Variants in C4orf51 observed in about 807,000 individuals in gnomAD.
C4orf51 encodes uncharacterized protein C4orf51.
C4orf51 carries 25 observed loss-of-function variants against 25.2 expected under a neutral mutation model. The ratio of observed to expected loss-of-function variants is 0.99; its 90% CI spans 0.72 to 1.39. C4orf51 has a LOEUF of 1.39. C4orf51 is among the 40% of genes most tolerant of loss of function. C4orf51 has a pLI of 0.00. For synonymous variants in C4orf51, 100 were observed against 84.5 expected, an observed-to-expected ratio of 1.18 and a Z score of -1.01; for missense variants, 252 against 239.6, an observed-to-expected ratio of 1.05 and a Z score of -0.34.
chr4:145,739,429 G>A (rs998399428), intron 1 of C4orf51, among the ~76,000 whole-genome samples: 16 of 152,206 alleles, frequency 1.1e-4, no homozygotes. Flanking sequence ...GTGGCACAGA[G>A]CGTCAAGATT....
intron 2 of C4orf51, among the ~76,000 whole-genome samples, chr4:145,721,323 C>T (rs1413258247): frequency 4.3e-5 from 6 of 140,788 alleles, no homozygotes; most frequent in African/African-American, 5.5e-5. Context: ...CCAGCCTGGG[C>T]GACAGAGTGA....
chr4:145,789,249 G>T, the C4orf51 span, among the ~76,000 whole-genome samples: 1 of 152,032 alleles, frequency 6.6e-6, no homozygotes, highest in Non-Finnish European at 1.5e-5. Context: ...TATTATGGGG[G>T]AAAAACAGAT....
chr4:145,765,852 G>A lies in C4orf51; in HGVS notation n.167-5136G>A, dbSNP rs1735206722. ...ATGCATCATCATTCTGGGGGCACAG[G>A]CTCATGTCCCCAGCTCCCCCACTGC... On this transcript the variant is annotated intron_variant and non_coding_transcript_variant, in intron 1 of 1. Coordinates refer to the C4orf51 transcript ENST00000510096. The surrounding 1 kb of genome is among the most constrained non-coding windows in gnomAD (Gnocchi z 4.7). 1.8e-6 allele frequency: 2 copies of A among 1,083,314 alleles called. No individual in the cohort carries two copies. Among genetic ancestry groups the A allele is most frequent in the Non-Finnish European group, 2.6e-6 (2 of 770,254 alleles). 67.1% of individuals were successfully genotyped at this position (1,083,314 alleles called of 1,614,324 possible). A position where few individuals can be genotyped will look rare whatever the true frequency, so the allele number is the denominator to read the frequency against.
intron 2 of C4orf51, among the ~76,000 whole-genome samples, chr4:145,703,129 G>A (rs1730566966): frequency 6.6e-6 from 1 of 151,736 alleles, no homozygotes; most frequent in Non-Finnish European, 1.5e-5. Context: ...ATGGCCTGAA[G>A]TAACTGAAGA....
intron 1 of C4orf51, among the ~76,000 whole-genome samples, chr4:145,770,597 AAT>A (rs1195567515): frequency 2.0e-5 from 3 of 151,794 alleles, no homozygotes; most frequent in Non-Finnish European, 4.4e-5. Flanking sequence ...TACATAATAA[AAT>A]ATAATAATAA....
Position 145,720,200 on chromosome 4 carries a change from G to C in C4orf51, c.308-6711G>C, listed in dbSNP as rs183429741. ...GCACTCTACACTGGCCCTGGGAGGC[G>C]AACATAAAGGAGCAATGGGCACCTC... is the stretch of plus-strand genomic sequence containing the variant. On this transcript the variant is annotated intron_variant, in intron 2 of 5. Transcript: ENST00000438731. Among the ~76,000 whole-genome samples, 15 of 152,196 alleles carry C rather than the reference G, an allele frequency of 9.9e-5. No individual in the cohort carries two copies. The East Asian group carries it at 2.7e-3, about 27-fold the overall frequency.
chr4:145,758,003 T>G (rs1734081699), downstream of C4orf51: 1 of 152,172 alleles, frequency 6.6e-6, no homozygotes, highest in South Asian at 2.1e-4. Flanking sequence ...GGAAAGGATA[T>G]CTATGGAATA....
At position 145,728,047 on chromosome 4, in the gene C4orf51, TACAC is replaced by T. The variant is rs66860071; in HGVS notation, c.366+1097_366+1100del. Reference sequence around the variant, plus strand: ...ATATATATTATATATAATATATATATACACACACACACACACACACACGCCATAT... The same window carrying T: ...ATATATATTATATATAATATATATATACACACACACACACACACGCCATAT... On this transcript the variant is annotated intron_variant, in intron 3 of 5. Coordinates refer to ENST00000438731, the MANE Select transcript of C4orf51 (RefSeq NM_001080531.3). 3.7e-3 allele frequency among the ~76,000 whole-genome samples: 489 copies of T among 133,338 alleles called. 1 individual carries two copies. The highest frequency in any genetic ancestry group is 0.012 in the African/African-American group (430 of 35,264). 87.5% of individuals were successfully genotyped at this position (133,338 alleles called of 152,430 possible).
chr4:145,766,538 C>T (rs553231409), intron 1 of C4orf51, among the ~76,000 whole-genome samples: 10 of 152,298 alleles, frequency 6.6e-5, no homozygotes, highest in African/African-American at 2.4e-4. Flanking sequence ...TGGAACCTGA[C>T]AGACTCCGAG....
At chr4:145,694,081 A>T (rs1350727973) in intron 1 of C4orf51, among the ~76,000 whole-genome samples, 1 of 130,954 alleles carries the variant, frequency 7.6e-6, no homozygotes, top group African/African-American at 2.9e-5. Flanking sequence ...TCGGCCGGGC[A>T]GAGGCGCTCC....
Position 145,707,826 on chromosome 4 carries a change from T to G in C4orf51, c.307+11194T>G, listed in dbSNP as rs371669965. Among the ~76,000 whole-genome samples the G allele has an allele frequency of 3.9e-5, 6 of 152,208 alleles. No individual in the cohort carries two copies. In the South Asian group the frequency reaches 1.2e-3, roughly 32 times the overall value. On this transcript the variant is annotated intron_variant, in intron 2 of 5. Transcript: ENST00000438731. ...CAGCTCCTGAACCCAAAAGGGAAATTTATAAGTTTACTTGCCACCTCCAGA... is the reference window on the plus strand; with the variant it reads ...CAGCTCCTGAACCCAAAAGGGAAATGTATAAGTTTACTTGCCACCTCCAGA...
downstream of C4orf51, among the ~76,000 whole-genome samples, chr4:145,755,591 A>C (rs1218422639): frequency 6.9e-6 from 1 of 144,890 alleles, no homozygotes; most frequent in Non-Finnish European, 1.5e-5. Flanking sequence ...CAGAAACTCT[A>C]CTACTTCATA....
chr4:145,774,474 G>A (rs181935542), downstream of C4orf51: 25 of 1,593,108 alleles, frequency 1.6e-5, no homozygotes, highest in African/African-American at 2.7e-5. Context: ...GGATGGAGAA[G>A]GAGTGTGAGA....
intron 2 of C4orf51, among the ~76,000 whole-genome samples, chr4:145,698,679 C>T (rs937190939): frequency 6.6e-6 from 1 of 152,190 alleles, no homozygotes; most frequent in Admixed American, 6.5e-5. Flanking sequence ...GTCTGACCCC[C>T]ACTTCCCATC....
intron 1 of C4orf51, among the ~76,000 whole-genome samples, chr4:145,681,039 C>T (rs752301237): frequency 6.6e-6 from 1 of 152,092 alleles, no homozygotes; most frequent in African/African-American, 2.4e-5. Context: ...TAGGTTTCCT[C>T]CAAGCTGGTT....
intron 2 of C4orf51, among the ~76,000 whole-genome samples, chr4:145,721,552 C>G (rs1215620808): frequency 6.6e-6 from 1 of 152,088 alleles, no homozygotes; most frequent in Non-Finnish European, 1.5e-5. Flanking sequence ...GTTTTGTTTT[C>G]CTCTCTCTAT....
At chr4:145,733,961 G>A (rs1732657654), downstream of C4orf51, among the ~76,000 whole-genome samples, 1 of 152,170 alleles carries the variant, frequency 6.6e-6, no homozygotes, top group Admixed American at 6.5e-5. Flanking sequence ...AGAAAATACA[G>A]TTCTCCAAGG....
At chr4:145,753,548 G>A (rs1207098843) in intron 1 of C4orf51, among the ~76,000 whole-genome samples, 1 of 152,130 alleles carries the variant, frequency 6.6e-6, no homozygotes, top group Non-Finnish European at 1.5e-5. Flanking sequence ...TGTTATGAGT[G>A]CACCTACTCC....
intron 3 of C4orf51, among the ~76,000 whole-genome samples, chr4:145,727,901 A>G (rs1460169268): frequency 5.0e-4 from 42 of 84,790 alleles, no homozygotes; most frequent in African/African-American, 2.3e-3. Flanking sequence ...ATGTGTATAT[A>G]TATATATATA....
Sources: allele counts gnomAD v4.1 joint callset (sites outside exome capture counted in the v4.1 genomes callset), GRCh38; gene constraint gnomAD v4.1.1; non-coding constraint Gnocchi (gnomAD v3.1); transcripts MANE v1.5; gene names NCBI Gene and HGNC (gene_info 2026-07-23, HGNC 2026-07-21).